The following KCNQ1 variants were observed in gnomAD, a reference collection of about 807,000 sequenced individuals.
The protein encoded by KCNQ1 is potassium voltage-gated channel subfamily Q member 1.
In KCNQ1, 49 loss-of-function variants were observed where a neutral mutation model predicts 72.4. The ratio of observed to expected loss-of-function variants is 0.68; its 90% CI spans 0.54 to 0.86. KCNQ1 has a LOEUF of 0.86. KCNQ1 is among the 40% of genes least tolerant of loss of function. The probability of loss-of-function intolerance (pLI) is 0.00; values close to 1 mark genes in which losing one functional copy is unlikely to be tolerated. For synonymous variants in KCNQ1, 450 were observed against 412.6 expected (o/e 1.09, Z -1.10); for missense variants, 790 against 945.1 (o/e 0.84, Z 2.15).
At position 2,756,011 on chromosome 11, in the gene KCNQ1, A is replaced by G. The variant is rs568955995; in HGVS notation, c.1515-12833A>G. 3.2e-4 allele frequency among the ~76,000 whole-genome samples: 49 copies of G among 152,304 alleles called. 2 individuals carry two copies. The South Asian group carries it at 9.5e-3, about 30-fold the overall frequency. On this transcript the variant is annotated intron_variant, in intron 11 of 15. Coordinates refer to ENST00000155840, the MANE Select transcript of KCNQ1 (RefSeq NM_000218.3). Reference sequence around the variant, plus strand: ...CATTTACACCACTCCATTGGCATAAACCACAGTCTGACCATTGGGAGCGGT... The same window carrying G: ...CATTTACACCACTCCATTGGCATAAGCCACAGTCTGACCATTGGGAGCGGT...
chr11:2,562,511 C>T lies in KCNQ1; in HGVS notation c.478-8117C>T, dbSNP rs374848359. 2.6e-5 allele frequency among the ~76,000 whole-genome samples: 4 copies of T among 152,178 alleles called. No homozygotes were observed. The highest frequency in any genetic ancestry group is 9.7e-5 in the African/African-American group (4 of 41,448). Reference sequence around the variant, plus strand: ...CTCTATGCTGTGGGGACCACTGCCCCCACAGGGAAGCGCCTGGCTCAGCAC... The same window carrying T: ...CTCTATGCTGTGGGGACCACTGCCCTCACAGGGAAGCGCCTGGCTCAGCAC... On this transcript the variant is annotated intron_variant, in intron 2 of 15. Transcript: ENST00000155840. The surrounding 1 kb of genome is among the most constrained non-coding windows in gnomAD (Gnocchi z 7.5).
In KCNQ1 at chr11:2,550,193, C is replaced by T. The variant is rs561955558; in HGVS notation, c.478-20435C>T. ...CCGCAGGCAGTGCACGTCCCTCCCC[C>T]GCCTCTCTTTGCCGTTGCCGGGACT... On this transcript the variant is annotated intron_variant, in intron 2 of 15. Coordinates refer to ENST00000155840, the MANE Select transcript of KCNQ1 (RefSeq NM_000218.3). This position sits in a 1 kb window ranked among gnomAD's most constrained non-coding sequence, Gnocchi z 6.0. Among the ~76,000 whole-genome samples, 3 of 152,354 alleles carry T rather than the reference C, an allele frequency of 2.0e-5. No individual in the cohort carries two copies. Among genetic ancestry groups the T allele is most frequent in the South Asian group, 2.1e-4 (1 of 4,828 alleles).
In KCNQ1 at chr11:2,563,250, C is replaced by T. The variant is rs1203074642; in HGVS notation, c.478-7378C>T. Among the ~76,000 whole-genome samples, 1 of 152,158 alleles carries T rather than the reference C, an allele frequency of 6.6e-6. No homozygotes were observed. The highest frequency in any genetic ancestry group is 1.5e-5 in the Non-Finnish European group (1 of 68,030). On this transcript the variant is annotated intron_variant, in intron 2 of 15. Transcript: ENST00000155840. This position sits in a 1 kb window ranked among gnomAD's most constrained non-coding sequence, Gnocchi z 7.4. ...AAAGCAAAACAATAGATAAGATGGCCAGGTCGACCTTCAGCCTTCTCGGAG... is the reference window on the plus strand; with the variant it reads ...AAAGCAAAACAATAGATAAGATGGCTAGGTCGACCTTCAGCCTTCTCGGAG...
Position 2,549,135 on chromosome 11 carries a change from A to C in KCNQ1, c.477+21117A>C, listed in dbSNP as rs1453637254. Among the ~76,000 whole-genome samples the C allele has an allele frequency of 6.6e-6, 1 of 152,086 alleles. No individual in the cohort carries two copies. The highest frequency in any genetic ancestry group is 1.5e-5 in the Non-Finnish European group (1 of 67,998). On this transcript the variant is annotated intron_variant, in intron 2 of 15. Coordinates refer to ENST00000155840, the MANE Select transcript of KCNQ1 (RefSeq NM_000218.3). This position sits in a 1 kb window ranked among gnomAD's most constrained non-coding sequence, Gnocchi z 6.2. The stretch of plus-strand genomic sequence containing the variant: ...AGAGGGGGCAGGCTGAGATCTGAGA[A>C]GCCAGGCTAGGGGGTTGTGGAGCAA...
chr11:2,623,038 G>A lies in KCNQ1; in HGVS notation c.1393+34184G>A. ...TCCCCATGTGTCAGGGGAGGGGCCT[G>A]GTGGGGGGCAAACTTCCCCCTTGCT... On this transcript the variant is annotated intron_variant, in intron 10 of 15. Transcript: ENST00000155840. The surrounding 1 kb of genome is among the most constrained non-coding windows in gnomAD (Gnocchi z 5.2). 1 of 398,618 alleles carries A rather than the reference G, an allele frequency of 2.5e-6. No homozygotes were observed. The highest frequency in any genetic ancestry group is 2.1e-5 in the African/African-American group (1 of 48,730). 24.7% of individuals were successfully genotyped at this position (398,618 alleles called of 1,614,324 possible). A position where few individuals can be genotyped will look rare whatever the true frequency, so the allele number is the denominator to read the frequency against.
intron 11 of KCNQ1, among the ~76,000 whole-genome samples, chr11:2,728,057 C>T (rs1466065512): frequency 6.6e-6 from 1 of 152,192 alleles, no homozygotes; most frequent in African/African-American, 2.4e-5. Flanking sequence ...CCTCCTCCCT[C>T]CCCAGCCACT....
At chr11:2,452,547 C>A (rs1443920725) in intron 1 of KCNQ1, among the ~76,000 whole-genome samples, 1 of 152,186 alleles carries the variant, frequency 6.6e-6, no homozygotes, top group African/African-American at 2.4e-5. Flanking sequence ...GGGCGGGAAC[C>A]TCCTCTGGCT....
intron 10 of KCNQ1, chr11:2,650,706 C>A (rs1849743688): frequency 5.0e-6 from 2 of 398,528 alleles, no homozygotes; most frequent in Admixed American, 4.4e-5. Context: ...TTTTGCAGTG[C>A]TGGGCAGGGG....
At chr11:2,696,233 T>G (rs1425052204) in intron 11 of KCNQ1, 2 of 398,666 alleles carry the variant, frequency 5.0e-6, no homozygotes, top group Non-Finnish European at 8.8e-6. Context: ...ATTAAACAAA[T>G]GGCAACTACC....
At chr11:2,634,594 G>C (rs1302086280) in intron 10 of KCNQ1, 1 of 152,120 alleles carries the variant, frequency 6.6e-6, no homozygotes, top group African/African-American at 2.4e-5. Flanking sequence ...GGACATTTGG[G>C]TTGGTTCCAA....
rs1006126974 is a variant in KCNQ1, at chr11:2,690,411, C to A, written c.1514+28330C>A. ...ACCAAAAGAGCTATCTCTCTCCCTG[C>A]GAAAGGCTGGGGTCCTGGGAGCTAG... On this transcript the variant is annotated intron_variant, in intron 11 of 15. Transcript: ENST00000155840. The surrounding 1 kb of genome is among the most constrained non-coding windows in gnomAD (Gnocchi z 5.1). The A allele has an allele frequency of 5.0e-6, 2 of 398,660 alleles. No individual in the cohort carries two copies. The highest frequency in any genetic ancestry group is 3.6e-5 in the East Asian group (1 of 28,076). The allele number at this position is 398,660 out of a possible 1,614,324, so 24.7% of individuals were successfully genotyped here.
chr11:2,691,047 G>C lies in KCNQ1; in HGVS notation c.1514+28966G>C. On this transcript the variant is annotated intron_variant, in intron 11 of 15. Transcript: ENST00000155840. The surrounding 1 kb of genome is among the most constrained non-coding windows in gnomAD (Gnocchi z 6.4). ...TTGGCTCAGGTATCAGGATATGCTG[G>C]GTGAGGGAAATAATGGAGGCACCTT... 5.0e-6 allele frequency: 2 copies of C among 398,646 alleles called. No homozygotes were observed. Among genetic ancestry groups the C allele is most frequent in the Non-Finnish European group, 8.8e-6 (2 of 226,088 alleles). The allele number at this position is 398,646 out of a possible 1,614,324, so 24.7% of individuals were successfully genotyped here.
In KCNQ1 at chr11:2,447,336, C is replaced by G. The variant is rs1846053618; in HGVS notation, c.386+1852C>G. ...TGAAGGGGTGGCCAGGAAAGGGATG[C>G]TTCTGTGAAGTGGCCAGATCTGGGG... On this transcript the variant is annotated intron_variant, in intron 1 of 15. Transcript: ENST00000155840. The surrounding 1 kb of genome is among the most constrained non-coding windows in gnomAD (Gnocchi z 7.6). Among the ~76,000 whole-genome samples the G allele has an allele frequency of 6.6e-6, 1 of 152,136 alleles. No individual in the cohort carries two copies. The highest frequency in any genetic ancestry group is 1.5e-5 in the Non-Finnish European group (1 of 68,012).
rs898263462 is a variant in KCNQ1, at chr11:2,764,970, A to C, written c.1515-3874A>C. Among the ~76,000 whole-genome samples, 1 of 152,126 alleles carries C rather than the reference A, an allele frequency of 6.6e-6. No homozygotes were observed. The highest frequency in any genetic ancestry group is 2.4e-5 in the African/African-American group (1 of 41,402). ...TTTTGGCTTTGTTGATTTTCCTTAA[A>C]TAATGTTCATTTTTTATCTCATAGA... On this transcript the variant is annotated intron_variant, in intron 11 of 15. Transcript: ENST00000155840. The surrounding 1 kb of genome is among the most constrained non-coding windows in gnomAD (Gnocchi z 4.8).
rs969367033 is a variant in KCNQ1 at position 2,663,854 on chromosome 11, C to A, written c.1514+1773C>A. 7.5e-6 allele frequency: 3 copies of A among 398,604 alleles called. No homozygotes were observed. The highest frequency in any genetic ancestry group is 8.8e-6 in the Non-Finnish European group (2 of 226,092). 24.7% of individuals were successfully genotyped at this position (398,604 alleles called of 1,614,324 possible). On this transcript the variant is annotated intron_variant, in intron 11 of 15. Transcript: ENST00000155840. This position sits in a 1 kb window ranked among gnomAD's most constrained non-coding sequence, Gnocchi z 5.2. ...TCAGCACATGCCAAGCTCCCTGGAG[C>A]CAGAGGTTACCCACCTGCCCAAGGG...
chr11:2,588,553 C>G lies in KCNQ1; in HGVS notation c.1252-160C>G, dbSNP rs1043937641. ...GACCCCCAGCAGCCCTGCCCTGTCT[C>G]TGTGTGAAGACACTGGAGCTGGCCC... On this transcript the variant is annotated intron_variant, in intron 9 of 15. Coordinates refer to ENST00000155840, the MANE Select transcript of KCNQ1 (RefSeq NM_000218.3). The surrounding 1 kb of genome is among the most constrained non-coding windows in gnomAD (Gnocchi z 5.6). Among the ~76,000 whole-genome samples, 1 of 152,232 alleles carries G rather than the reference C, an allele frequency of 6.6e-6. No individual in the cohort carries two copies. Among genetic ancestry groups the G allele is most frequent in the Non-Finnish European group, 1.5e-5 (1 of 68,044 alleles).
intron 2 of KCNQ1, among the ~76,000 whole-genome samples, chr11:2,553,127 A>T (rs991490067): frequency 4.7e-5 from 7 of 148,878 alleles, no homozygotes; most frequent in African/African-American, 1.7e-4. Context: ...TAGTTTGAGA[A>T]GGTTTCTTGT....
Position 2,703,028 on chromosome 11 carries a change from G to A in KCNQ1, c.1514+40947G>A, listed in dbSNP as rs11827097. ...GAGACTGAGAGGGGTTTGTTGTCTC[G>A]TCGGGCGACAAGAGACACGTGGGAA... On this transcript the variant is annotated intron_variant, in intron 11 of 15. Transcript: ENST00000155840. The surrounding 1 kb of genome is among the most constrained non-coding windows in gnomAD (Gnocchi z 6.4). Among the ~76,000 whole-genome samples, 1,660 of 152,258 alleles carry A rather than the reference G, an allele frequency of 0.011. 32 individuals carry two copies. The highest frequency in any genetic ancestry group is 0.037 in the African/African-American group (1,549 of 41,532).
At chr11:2,675,743 C>G (rs1438053525) in intron 11 of KCNQ1, 1 of 398,592 alleles carries the variant, frequency 2.5e-6, no homozygotes, top group Non-Finnish European at 4.4e-6. Context: ...CACAGAGTGA[C>G]ATGAACCAGA....
Sources: gnomAD v4.1 joint callset for allele counts (sites outside exome capture counted in the v4.1 genomes callset) on GRCh38, gnomAD v4.1.1 for gene constraint, Gnocchi (gnomAD v3.1) non-coding constraint, MANE v1.5 for transcripts, NCBI Gene and HGNC (gene_info 2026-07-23, HGNC 2026-07-21) for gene names.